Variants in SCAF8 observed in about 807,000 individuals in gnomAD.
The protein encoded by SCAF8 is SR-related and CTD-associated factor 8.
A neutral mutation model predicts 140.5 loss-of-function variants in SCAF8; 23 were observed. The observed-to-expected ratio is 0.16, with a 90% CI of 0.12 to 0.23. SCAF8 has a LOEUF of 0.23. SCAF8 is among the 10% of genes least tolerant of loss of function. The pLI is 1.00. For missense variants in SCAF8, 1,397 were observed against 1,555.7 expected, an observed-to-expected ratio of 0.90 and a Z score of 1.72; for synonymous variants, 575 against 528.9, an observed-to-expected ratio of 1.09 and a Z score of -1.20.
chr6:154,734,484 G>A (rs934486187), intron 1 of SCAF8, among the ~76,000 whole-genome samples: 1 of 152,184 alleles, frequency 6.6e-6, no homozygotes, highest in Non-Finnish European at 1.5e-5. Context: ...TAATTGGATG[G>A]TTGGTAGGCA....
intron 1 of SCAF8, among the ~76,000 whole-genome samples, chr6:154,744,524 A>G (rs1289429996): frequency 6.6e-6 from 1 of 152,220 alleles, no homozygotes; most frequent in Non-Finnish European, 1.5e-5. Context: ...ATGGTTGGAT[A>G]GGTGTCATCC....
intron 1 of SCAF8, among the ~76,000 whole-genome samples, chr6:154,750,944 T>A (rs200522898): frequency 6.6e-6 from 1 of 152,324 alleles, no homozygotes; most frequent in East Asian, 1.9e-4. Flanking sequence ...CATGTTTTCA[T>A]TTTGATGTTT....
intron 2 of SCAF8, among the ~76,000 whole-genome samples, chr6:154,776,592 T>C (rs1421814128): frequency 4.6e-5 from 7 of 152,342 alleles, no homozygotes; most frequent in African/African-American, 1.7e-4. Context: ...TGTGTAGTTA[T>C]TTAATATTTT....
chr6:154,805,828 G>A (rs754617903), intron 9 of SCAF8, among the ~76,000 whole-genome samples: 5 of 152,004 alleles, frequency 3.3e-5, no homozygotes, highest in African/African-American at 4.8e-5. Flanking sequence ...AAAACTAAAC[G>A]TGTTTTTCTC....
At chr6:154,809,865 T>G in intron 11 of SCAF8, 150 bp from the exon 12 acceptor site, 1 of 731,948 alleles carries the variant, frequency 1.4e-6, no homozygotes, top group Non-Finnish European at 2.3e-6. Context: ...AAATGCATTT[T>G]TGAGACTTGA....
In SCAF8 at chr6:154,807,209, A is replaced by G. The variant is rs549863428; in HGVS notation, c.982-861A>G. 1.6e-4 allele frequency among the ~76,000 whole-genome samples: 24 copies of G among 152,318 alleles called. No individual in the cohort carries two copies. The East Asian group carries it at 4.4e-3, about 28-fold the overall frequency. ...GTAAAAATAAACTTGAGAGAGAGCG[A>G]GTCTGTTGTAAGAATCTCACCTACC... is the stretch of plus-strand genomic sequence containing the variant. On this transcript the variant is annotated intron_variant, in intron 9 of 19. Coordinates refer to ENST00000367178, the MANE Select transcript of SCAF8 (RefSeq NM_014892.5).
At chr6:154,823,426 C>T (rs747581947) in intron 16 of SCAF8, among the ~76,000 whole-genome samples, 3 of 152,132 alleles carry the variant, frequency 2.0e-5, no homozygotes, top group South Asian at 4.1e-4. Flanking sequence ...GAATAGACTT[C>T]TGGAGTGTCT....
At chr6:154,813,737 A>G (rs1300077787) in intron 12 of SCAF8, among the ~76,000 whole-genome samples, 3 of 152,314 alleles carry the variant, frequency 2.0e-5, no homozygotes, top group South Asian at 4.1e-4. Context: ...TGGATTATCC[A>G]GAAGGCCCAG....
chr6:154,762,230 G>T (rs959802441), intron 1 of SCAF8, among the ~76,000 whole-genome samples: 1 of 152,206 alleles, frequency 6.6e-6, no homozygotes, highest in Non-Finnish European at 1.5e-5. Context: ...GGATCTAGGC[G>T]TTGGTTAGCT....
At chr6:154,741,372 GC>G (rs1049474614) in intron 1 of SCAF8, among the ~76,000 whole-genome samples, 1 of 151,936 alleles carries the variant, frequency 6.6e-6, no homozygotes, top group African/African-American at 2.4e-5. Context: ...GGACTTTATA[GC>G]CCCAGTGTCC....
intron 3 of SCAF8, among the ~76,000 whole-genome samples, chr6:154,781,298 C>T (rs1444752617): frequency 7.3e-5 from 11 of 151,588 alleles, no homozygotes; most frequent in African/African-American, 2.2e-4. Flanking sequence ...TGAAGGACCT[C>T]TTCAAGGAGA....
intron 18 of SCAF8, among the ~76,000 whole-genome samples, chr6:154,829,908 A>C (rs546993731): frequency 6.6e-6 from 1 of 152,226 alleles, no homozygotes; most frequent in Non-Finnish European, 1.5e-5. Context: ...ACTGTCTCAA[A>C]AAAAAGATAG....
rs577259192 is a variant in SCAF8, at chr6:154,743,696, A to G, written c.30+9766A>G. On this transcript the variant is annotated intron_variant, in intron 1 of 19. Coordinates refer to ENST00000367178, the MANE Select transcript of SCAF8 (RefSeq NM_014892.5). ...ATGTCTCAGAGGTTGACCAAATCCT[A>G]ATTAATGGCTTTCTTTGATCTAGCA... Among the ~76,000 whole-genome samples, 38 of 152,196 alleles carry G rather than the reference A, an allele frequency of 2.5e-4. 1 individual carries two copies. Among genetic ancestry groups the G allele is most frequent in the Non-Finnish European group, 2.6e-4 (18 of 68,028 alleles).
Position 154,808,779 on chromosome 6 carries a change from C to G in SCAF8, c.1207C>G (p.His403Asp). The G allele has an allele frequency of 1.9e-6, 3 of 1,610,816 alleles. No homozygotes were observed. Among genetic ancestry groups the G allele is most frequent in the Non-Finnish European group, 2.5e-6 (3 of 1,177,118 alleles). Residue 403 changes from histidine (H) to aspartate (D), a missense_variant, in exon 11 of 20, where the codon CAT becomes GAT. His to Asp is a moderately conservative substitution (Grantham distance 81). Coordinates refer to ENST00000367178, the MANE Select transcript of SCAF8 (RefSeq NM_014892.5). ...GGCGGTTCGCTCAAGATCAAGAACACATTCACGATCTCGTTCAAGGTTCTA... is the reference window on the plus strand; with the variant it reads ...GGCGGTTCGCTCAAGATCAAGAACAGATTCACGATCTCGTTCAAGGTTCTA... ...KVAVRSRSRT[H>D]SRSRSRSPRK...
intron 13 of SCAF8, 97 bp downstream of exon 13, chr6:154,815,913 C>T: frequency 1.6e-6 from 1 of 623,156 alleles, no homozygotes; most frequent in Non-Finnish European, 2.9e-6. Flanking sequence ...GTAATGTCTG[C>T]CTTAAATAAT....
chr6:154,814,811 G>A (rs1458734664), intron 12 of SCAF8, among the ~76,000 whole-genome samples: 1 of 152,184 alleles, frequency 6.6e-6, no homozygotes, highest in Non-Finnish European at 1.5e-5. Context: ...TTTAATATTT[G>A]TTAAGGGGAT....
chr6:154,830,237 T>G (rs1489092210), intron 18 of SCAF8, among the ~76,000 whole-genome samples: 4 of 152,242 alleles, frequency 2.6e-5, no homozygotes, highest in Admixed American at 1.3e-4. Context: ...TTTGTTCAGG[T>G]AATCTAGAGT....
intron 9 of SCAF8, among the ~76,000 whole-genome samples, chr6:154,807,028 A>G (rs540091992): frequency 4.5e-4 from 69 of 152,364 alleles, no homozygotes; most frequent in Middle Eastern, 3.4e-3. Context: ...TTGTTGAGCT[A>G]TAAATGTAAC....
At chr6:154,734,270 C>T (rs544630887) in intron 1 of SCAF8, among the ~76,000 whole-genome samples, 101 of 152,338 alleles carry the variant, frequency 6.6e-4, no homozygotes, top group Non-Finnish European at 1.1e-3. Context: ...GCCTGGCCCG[C>T]CCACCTCCTT....
Sources: allele counts gnomAD v4.1 joint callset (sites outside exome capture counted in the v4.1 genomes callset), GRCh38; gene constraint gnomAD v4.1.1; transcripts MANE v1.5; gene names NCBI Gene and HGNC (gene_info 2026-07-23, HGNC 2026-07-21).